Variants in VRTN observed in about 807,000 individuals in gnomAD.
VRTN encodes the protein vertnin.
VRTN carries 5 observed loss-of-function variants against 18.2 expected under a neutral mutation model. That is an observed-to-expected ratio of 0.27 (90% CI 0.14 to 0.58). VRTN has a LOEUF of 0.58. VRTN is among the 20% of genes least tolerant of loss of function. The probability of loss-of-function intolerance (pLI) is 0.91; values close to 1 mark genes in which losing one functional copy is unlikely to be tolerated. For synonymous variants in VRTN, 381 were observed against 393.7 expected (o/e 0.97, Z 0.38); for missense variants, 741 against 939.4 (o/e 0.79, Z 2.76).
chr14:74,358,471 C>A lies in VRTN; in HGVS notation c.1688C>A (p.Pro563His). The change falls in exon 2 of 2, where the codon CCC (proline) becomes CAC (histidine). Residue 563 changes from proline (P) to histidine (H), a missense_variant. Physicochemically the swap from Pro to His is moderately conservative, Grantham distance 77. Coordinates refer to ENST00000256362, the MANE Select transcript of VRTN (RefSeq NM_018228.3). This position sits in a 1 kb window ranked among gnomAD's most constrained non-coding sequence, Gnocchi z 5.4. Reference protein sequence around the residue: ...RGLSKLQVPVPTLGKGGQEAE... With the variant: ...RGLSKLQVPVHTLGKGGQEAE... Reference sequence around the variant, plus strand: ...CTGTCCAAACTTCAGGTGCCGGTCCCCACCTTGGGCAAAGGGGGGCAGGAG... The same window carrying A: ...CTGTCCAAACTTCAGGTGCCGGTCCACACCTTGGGCAAAGGGGGGCAGGAG... 1 of 1,614,170 alleles carries A rather than the reference C, an allele frequency of 6.2e-7. No homozygotes were observed. The highest frequency in any genetic ancestry group is 8.5e-7 in the Non-Finnish European group (1 of 1,180,026).
intron 1 of VRTN, among the ~76,000 whole-genome samples, chr14:74,336,018 G>C (rs1567042382): frequency 6.6e-6 from 1 of 151,522 alleles, no homozygotes; most frequent in Non-Finnish European, 1.5e-5. Flanking sequence ...TGGTATTACA[G>C]GTGTGAGCCA....
chr14:74,356,832 G>A lies in VRTN; in HGVS notation c.49G>A (p.Glu17Lys). ...LVQKVLQELQ[E>K]AVECEGLEGL... ...GCAGAAGGTGCTGCAGGAGCTGCAG[G>A]AAGCAGTGGAGTGCGAAGGCCTGGA... is the stretch of plus-strand genomic sequence containing the variant. Residue 17 changes from glutamate (E) to lysine (K), a missense_variant, in exon 2 of 2, where the codon GAA becomes AAA. By Grantham distance (56) the Glu-to-Lys change is moderately conservative. This residue lies in a region of VRTN where 186 missense variants were observed against 288.3 expected (regional missense o/e 0.65). Transcript: ENST00000256362. 6.2e-7 allele frequency: 1 copy of A among 1,611,158 alleles called. No individual in the cohort carries two copies. The highest frequency in any genetic ancestry group is 8.5e-7 in the Non-Finnish European group (1 of 1,178,616).
At chr14:74,316,644 T>G (rs2085420823) in intron 1 of VRTN, among the ~76,000 whole-genome samples, 1 of 149,378 alleles carries the variant, frequency 6.7e-6, no homozygotes, top group African/African-American at 2.5e-5. Flanking sequence ...ATTCTTTTTT[T>G]TTTTTTTTTT....
At chr14:74,349,991 C>T (rs1026821986) in intron 1 of VRTN, among the ~76,000 whole-genome samples, 1 of 152,108 alleles carries the variant, frequency 6.6e-6, no homozygotes, top group Admixed American at 6.6e-5. Context: ...GTTGTGGGGG[C>T]CAGGGCAGGC....
chr14:74,342,104 G>T (rs574330587), intron 2 of VRTN, among the ~76,000 whole-genome samples: 12 of 152,248 alleles, frequency 7.9e-5, no homozygotes, highest in African/African-American at 2.9e-4. Flanking sequence ...AGATCAGCCT[G>T]GGTATGGTAT....
intron 1 of VRTN, among the ~76,000 whole-genome samples, chr14:74,321,655 C>T (rs2085456608): frequency 6.6e-6 from 1 of 151,580 alleles, no homozygotes. Flanking sequence ...CAGGCATGCG[C>T]CACCATGCCC....
At chr14:74,353,974 A>G (rs867644948) in intron 1 of VRTN, among the ~76,000 whole-genome samples, 1 of 152,118 alleles carries the variant, frequency 6.6e-6, no homozygotes, top group East Asian at 1.9e-4. Flanking sequence ...GAGTTTCACC[A>G]TGTTAGCCAG....
chr14:74,346,129 T>C (rs528205349), upstream of VRTN, among the ~76,000 whole-genome samples: 8 of 151,108 alleles, frequency 5.3e-5, no homozygotes, highest in Admixed American at 4.6e-4. Flanking sequence ...AGGGAGACCC[T>C]GTTTCTATTA....
intron 1 of VRTN, among the ~76,000 whole-genome samples, chr14:74,355,391 C>G (rs1324828832): frequency 6.6e-6 from 1 of 152,090 alleles, no homozygotes; most frequent in Non-Finnish European, 1.5e-5. Context: ...AAAAGCAGAA[C>G]AATCATCCAA....
chr14:74,306,165 TATA>T (rs1367793986), intron 1 of VRTN: 64 of 74,278 alleles, frequency 8.6e-4, no homozygotes, highest in African/African-American at 4.4e-3. Flanking sequence ...TATATATATA[TATA>T]TATATTTTTT....
chr14:74,326,646 C>G (rs2085489258), intron 1 of VRTN, among the ~76,000 whole-genome samples: 1 of 152,094 alleles, frequency 6.6e-6, no homozygotes, highest in Non-Finnish European at 1.5e-5. Context: ...TTTTACATAG[C>G]CAAGCCCTGG....
At position 74,355,965 on chromosome 14, in the gene VRTN, G is replaced by A. The variant is rs561824501; in HGVS notation, c.-1-818G>A. On this transcript the variant is annotated intron_variant, in intron 1 of 1. Transcript: ENST00000256362. ...TCCTGCCTCAGCCTCCCAAGTAGCC[G>A]GGACTATAGGCACATGCCACTGTGC... 2.5e-4 allele frequency among the ~76,000 whole-genome samples: 38 copies of A among 151,928 alleles called. No homozygotes were observed. In the South Asian group the frequency reaches 7.3e-3, roughly 29 times the overall value.
At chr14:74,307,669 T>TATC (rs753049451) in intron 1 of VRTN, among the ~76,000 whole-genome samples, 4 of 152,180 alleles carry the variant, frequency 2.6e-5, no homozygotes, top group Non-Finnish European at 5.9e-5. Flanking sequence ...AAAGGCCATA[T>TATC]ATCATATTGG....
Position 74,357,653 on chromosome 14 carries a change from C to A in VRTN, c.870C>A (p.Ser290Arg), listed in dbSNP as rs767258652. Residue 290 changes from serine to arginine, a missense_variant, in exon 2 of 2, where the codon AGC becomes AGA. Coordinates refer to ENST00000256362, the MANE Select transcript of VRTN (RefSeq NM_018228.3). The surrounding 1 kb of genome is among the most constrained non-coding windows in gnomAD (Gnocchi z 7.8). ...LSYSHLCERY[S>R]VTKSTFYRWR... is the part of the protein sequence containing the mutation. Reference sequence around the variant, plus strand: ...ACTCTCACCTCTGTGAGCGCTACAGCGTCACCAAAAGCACCTTCTACCGCT... The same window carrying A: ...ACTCTCACCTCTGTGAGCGCTACAGAGTCACCAAAAGCACCTTCTACCGCT... The A allele has an allele frequency of 3.5e-5, 56 of 1,613,846 alleles. No homozygotes were observed. The highest frequency in any genetic ancestry group is 4.7e-5 in the Non-Finnish European group (56 of 1,179,970).
chr14:74,329,396 G>A (rs889132116), intron 1 of VRTN, among the ~76,000 whole-genome samples: 21 of 152,182 alleles, frequency 1.4e-4, no homozygotes, highest in African/African-American at 3.9e-4. Context: ...CTACAGGCGC[G>A]TGCCACCACG....
At chr14:74,327,840 C>T (rs930452613) in intron 1 of VRTN, among the ~76,000 whole-genome samples, 2 of 152,184 alleles carry the variant, frequency 1.3e-5, no homozygotes, top group Non-Finnish European at 2.9e-5. Context: ...CTTGCCTCAG[C>T]CTCCCAAGTA....
intron 1 of VRTN, among the ~76,000 whole-genome samples, chr14:74,308,094 A>G (rs569402775): frequency 1.3e-5 from 2 of 151,856 alleles, no homozygotes; most frequent in African/African-American, 2.4e-5. Context: ...TTTTTATTTT[A>G]TTTTTTTCTT....
At chr14:74,348,735 T>C (rs1175382910) in intron 1 of VRTN, 83 bp downstream of exon 1, 1 of 152,398 alleles carries the variant, frequency 6.6e-6, no homozygotes, top group Non-Finnish European at 1.5e-5. Context: ...GGGTCAGGGA[T>C]GATCTCGGGA....
chr14:74,349,189 C>T lies in VRTN; in HGVS notation c.-2+537C>T, dbSNP rs1185853068. Among the ~76,000 whole-genome samples the T allele has an allele frequency of 2.0e-5, 3 of 152,220 alleles. No homozygotes were observed. The East Asian group carries it at 5.8e-4, about 29-fold the overall frequency. The stretch of plus-strand genomic sequence containing the variant: ...ACCCCTGTGACCCAAGGTGCAGCCA[C>T]TACCCTTGGTGGTGGGAATTTCCTT... On this transcript the variant is annotated intron_variant, in intron 1 of 1. Transcript: ENST00000256362.
Sources: gnomAD v4.1 joint callset for allele counts (sites outside exome capture counted in the v4.1 genomes callset) on GRCh38, gnomAD v4.1.1 for gene constraint, gnomAD v4.1.1 regional missense constraint, Gnocchi (gnomAD v3.1) non-coding constraint, MANE v1.5 for transcripts, NCBI Gene and HGNC (gene_info 2026-07-23, HGNC 2026-07-21) for gene names.